Variants in RPS6KC1 observed in about 807,000 individuals in gnomAD.
RPS6KC1 encodes inactive ribosomal protein S6 kinase delta-1.
Under a neutral mutation model 103.8 loss-of-function variants are expected in RPS6KC1, and 54 were observed. That is an observed-to-expected ratio of 0.52 (90% CI 0.42 to 0.65). RPS6KC1 has a LOEUF of 0.65. RPS6KC1 is among the 30% of genes least tolerant of loss of function. The pLI is 0.00. For missense variants in RPS6KC1, 1,151 were observed against 1,253.8 expected, an observed-to-expected ratio of 0.92 and a Z score of 1.24; for synonymous variants, 439 against 438.7, an observed-to-expected ratio of 1.00 and a Z score of -0.01.
At chr1:213,637,144 A>G in the RPS6KC1 span, among the ~76,000 whole-genome samples, 1 of 152,186 alleles carries the variant, frequency 6.6e-6, no homozygotes, top group East Asian at 1.9e-4. Flanking sequence ...AGAAATAGGA[A>G]TGATTTTACA....
the RPS6KC1 span, among the ~76,000 whole-genome samples, chr1:213,760,501 A>G: frequency 6.6e-6 from 1 of 152,298 alleles, no homozygotes; most frequent in East Asian, 1.9e-4. Context: ...TGATCTGGTA[A>G]GATCTCAGCT....
At chr1:213,258,318 G>T (rs555568565) in intron 12 of RPS6KC1, among the ~76,000 whole-genome samples, 1 of 152,196 alleles carries the variant, frequency 6.6e-6, no homozygotes, top group African/African-American at 2.4e-5. Flanking sequence ...TGGCCAGGCT[G>T]GTCTCAAACT....
At chr1:213,749,382 T>C in the RPS6KC1 span, among the ~76,000 whole-genome samples, 1 of 152,098 alleles carries the variant, frequency 6.6e-6, no homozygotes, top group African/African-American at 2.4e-5. Context: ...TGAAGAGATT[T>C]CTGGATATAG....
chr1:213,498,106 CAA>C, the RPS6KC1 span, among the ~76,000 whole-genome samples: 1 of 152,012 alleles, frequency 6.6e-6, no homozygotes, highest in East Asian at 1.9e-4. Context: ...GAAGATATTT[CAA>C]AAGTTTGGAA....
At position 213,240,929 on chromosome 1, in the gene RPS6KC1, A is replaced by C; in HGVS notation, c.1453A>C (p.Asn485His). The change falls in exon 11 of 15, where the codon AAC (asparagine) becomes CAC (histidine). Residue 485 changes from asparagine (N) to histidine (H), a missense_variant. Asn to His is a moderately conservative substitution (Grantham distance 68). Around this residue, in one of 3 missense-constraint regions of RPS6KC1, gnomAD observed 959 missense variants for 1,006.3 expected, o/e 0.95. Coordinates refer to ENST00000366960, the MANE Select transcript of RPS6KC1 (RefSeq NM_012424.6). ...SLTPSSQDDSNQEDDGQDSSP... is the reference protein window; with the variant it reads ...SLTPSSQDDSHQEDDGQDSSP... ...TACTCCAAGTTCTCAAGATGACAGC[A>C]ACCAGGAAGATGATGGCCAAGATAG... 1 of 1,613,896 alleles carries C rather than the reference A, an allele frequency of 6.2e-7. No homozygotes were observed. Among genetic ancestry groups the C allele is most frequent in the Middle Eastern group, 1.7e-4 (1 of 6,060 alleles).
the RPS6KC1 span, among the ~76,000 whole-genome samples, chr1:213,678,525 G>A: frequency 6.6e-6 from 1 of 152,256 alleles, no homozygotes; most frequent in African/African-American, 2.4e-5. Flanking sequence ...AGGCTCCCCA[G>A]AGGGCAGCTA....
the RPS6KC1 span, among the ~76,000 whole-genome samples, chr1:213,758,412 T>TA: frequency 2.0e-5 from 3 of 152,040 alleles, no homozygotes; most frequent in Admixed American, 1.3e-4. Context: ...ACCCTGTCTC[T>TA]ACTAAAACTA....
At chr1:213,482,006 C>T in the RPS6KC1 span, among the ~76,000 whole-genome samples, 17 of 152,054 alleles carry the variant, frequency 1.1e-4, no homozygotes, top group Non-Finnish European at 4.4e-5. Flanking sequence ...CCCTCTCACT[C>T]GCTCCTGTTC....
chr1:213,068,229 T>TA (rs1276597212), intron 1 of RPS6KC1, among the ~76,000 whole-genome samples: 2 of 152,174 alleles, frequency 1.3e-5, no homozygotes, highest in East Asian at 3.9e-4. Flanking sequence ...CTCACGCCTG[T>TA]AATCCCAGCA....
At chr1:213,452,069 C>T in the RPS6KC1 span, among the ~76,000 whole-genome samples, 3 of 152,232 alleles carry the variant, frequency 2.0e-5, no homozygotes, top group Admixed American at 2.0e-4. Flanking sequence ...ATTGATTTTT[C>T]AGTAAAACTG....
the RPS6KC1 span, among the ~76,000 whole-genome samples, chr1:213,777,656 C>T: frequency 1.6e-4 from 25 of 152,250 alleles, no homozygotes; most frequent in South Asian, 2.1e-4. Flanking sequence ...CCCCAAAATC[C>T]GCAATGTCTG....
At chr1:213,807,049 G>C in the RPS6KC1 span, among the ~76,000 whole-genome samples, 3 of 131,914 alleles carry the variant, frequency 2.3e-5, no homozygotes, top group Non-Finnish European at 5.0e-5. Flanking sequence ...AGCTTAGTTT[G>C]ACTGGATATG....
At chr1:213,535,134 C>T in the RPS6KC1 span, among the ~76,000 whole-genome samples, 396 of 152,278 alleles carry the variant, frequency 2.6e-3, 2 homozygotes, top group African/African-American at 9.0e-3. Flanking sequence ...TTTATTAATT[C>T]CTCTTTAGAC....
At chr1:213,297,716 T>A in the RPS6KC1 span, among the ~76,000 whole-genome samples, 1 of 152,052 alleles carries the variant, frequency 6.6e-6, no homozygotes, top group Non-Finnish European at 1.5e-5. Flanking sequence ...GCTCAAGTGA[T>A]CCTCCCTCCT....
chr1:213,764,893 C>T, the RPS6KC1 span, among the ~76,000 whole-genome samples: 1 of 152,218 alleles, frequency 6.6e-6, no homozygotes, highest in Non-Finnish European at 1.5e-5. Flanking sequence ...CACTTTCTTA[C>T]TCCTCAAGAG....
the RPS6KC1 span, among the ~76,000 whole-genome samples, chr1:213,582,115 G>C: frequency 1.2e-4 from 14 of 116,082 alleles, no homozygotes; most frequent in South Asian, 3.9e-3. Context: ...ATTCATTTTT[G>C]AACATCCAAT....
chr1:213,412,764 C>T, the RPS6KC1 span, among the ~76,000 whole-genome samples: 29 of 152,308 alleles, frequency 1.9e-4, no homozygotes, highest in South Asian at 5.8e-3. Flanking sequence ...CAGCTCCTGC[C>T]TCCTGCTCTG....
At chr1:213,085,749 A>G (rs1331985282) in intron 3 of RPS6KC1, among the ~76,000 whole-genome samples, 1 of 152,124 alleles carries the variant, frequency 6.6e-6, no homozygotes, top group East Asian at 1.9e-4. Flanking sequence ...TGTATCCATG[A>G]ATCTGTCCAT....
chr1:213,525,613 A>G, the RPS6KC1 span, among the ~76,000 whole-genome samples: 1 of 152,322 alleles, frequency 6.6e-6, no homozygotes, highest in Non-Finnish European at 1.5e-5. Context: ...TAGAAGGTGA[A>G]GAGAAATCCA....
Sources: gnomAD v4.1 joint callset for allele counts (sites outside exome capture counted in the v4.1 genomes callset) on GRCh38, gnomAD v4.1.1 for gene constraint, gnomAD v4.1.1 regional missense constraint, MANE v1.5 for transcripts, NCBI Gene and HGNC (gene_info 2026-07-23, HGNC 2026-07-21) for gene names.